Variants in RELCH observed in about 807,000 individuals in gnomAD.
The protein encoded by RELCH is RAB11-binding protein RELCH.
RELCH carries 41 observed loss-of-function variants against 150.3 expected under a neutral mutation model. The ratio of observed to expected loss-of-function variants is 0.27; its 90% CI spans 0.21 to 0.35. The LOEUF is 0.35. Among genes scored for constraint, RELCH ranks in the 10% least tolerant of loss-of-function variants. RELCH has a pLI of 1.00. For synonymous variants in RELCH, 478 were observed against 531.8 expected, an observed-to-expected ratio of 0.90 and a Z score of 1.39; for missense variants, 1,092 against 1,467.8, an observed-to-expected ratio of 0.74 and a Z score of 4.18.
At chr18:62,286,294 G>A (rs2044788669) in intron 25 of RELCH, among the ~76,000 whole-genome samples, 1 of 152,024 alleles carries the variant, frequency 6.6e-6, no homozygotes, top group Admixed American at 6.6e-5. Context: ...TGAATGTTTG[G>A]AGTTTTTGTT....
rs2041639487 is a variant in RELCH, at chr18:62,232,435, A to C, written c.1620+8A>C. ...CTATTGGCAAAGAGAGAGGTAAGACACATGAAAGTATTTTCGTCCCAGTAA... is the reference window on the plus strand; with the variant it reads ...CTATTGGCAAAGAGAGAGGTAAGACCCATGAAAGTATTTTCGTCCCAGTAA... On this transcript the variant is annotated splice_region_variant and intron_variant, in intron 10 of 28. Transcript: ENST00000644646. 6.4e-7 allele frequency: 1 copy of C among 1,552,628 alleles called. No homozygotes were observed. Among genetic ancestry groups the C allele is most frequent in the Admixed American group, 1.7e-5 (1 of 59,532 alleles).
chr18:62,205,333 A>G (rs572308007), intron 1 of RELCH, among the ~76,000 whole-genome samples: 30 of 152,330 alleles, frequency 2.0e-4, no homozygotes, highest in African/African-American at 7.0e-4. Flanking sequence ...ATACAATATT[A>G]CCATCACCCT....
chr18:62,255,418 A>C lies in RELCH; in HGVS notation c.1836A>C (p.Lys612Asn). ...LPQCWEQINH[K>N]YPERRLLVAE... ...TTTTTTTGCTCTAGATTAATCACAA[A>C]TACCCAGAAAGACGACTGCTTGTGG... is the stretch of plus-strand genomic sequence containing the variant. The change falls in exon 13 of 29, where the codon AAA becomes AAC. Residue 612 changes from lysine to asparagine, a missense_variant. Around this residue, in one of 4 missense-constraint regions of RELCH, gnomAD observed 707 missense variants for 1,025.4 expected, o/e 0.69. Transcript: ENST00000644646. 6.2e-7 allele frequency: 1 copy of C among 1,609,498 alleles called. No individual in the cohort carries two copies. The highest frequency in any genetic ancestry group is 8.5e-7 in the Non-Finnish European group (1 of 1,177,432).
At chr18:62,254,354 A>T (rs2042885703) in intron 12 of RELCH, among the ~76,000 whole-genome samples, 1 of 152,054 alleles carries the variant, frequency 6.6e-6, no homozygotes, top group African/African-American at 2.4e-5. Context: ...ATGCTTTTGG[A>T]TGCTATTGTA....
At position 62,221,233 on chromosome 18, in the gene RELCH, T is replaced by C; in HGVS notation, c.703T>C (p.Leu235=). The change falls in exon 4 of 29, where the codon TTA becomes CTA. Residue 235 remains leucine, a synonymous_variant. Coordinates refer to ENST00000644646, the MANE Select transcript of RELCH (RefSeq NM_001346231.2). ...LTKAAEHEVP[L]QERKNYKSSP... The stretch of plus-strand genomic sequence containing the variant: ...TTTTCCACCAGAACATGAAGTTCCT[T>C]TACAGGAACGAAAAAATTACAAATC... 6.2e-7 allele frequency: 1 copy of C among 1,610,644 alleles called. No homozygotes were observed. The highest frequency in any genetic ancestry group is 1.3e-5 in the African/African-American group (1 of 74,934).
At chr18:62,283,443 TG>T (rs1194607343) in intron 25 of RELCH, among the ~76,000 whole-genome samples, 1 of 152,226 alleles carries the variant, frequency 6.6e-6, no homozygotes, top group Non-Finnish European at 1.5e-5. Flanking sequence ...GGCCACAAGT[TG>T]GGTCACTTAA....
intron 28 of RELCH, chr18:62,300,005 CTTT>C (rs779455940): frequency 6.6e-6 from 1 of 152,048 alleles, no homozygotes; most frequent in African/African-American, 2.4e-5. Context: ...TAGTTTGTTT[CTTT>C]GAGTCAGGGT....
chr18:62,280,337 A>G (rs769249894), intron 23 of RELCH: 5 of 1,606,628 alleles, frequency 3.1e-6, no homozygotes, highest in Non-Finnish European at 3.4e-6. Flanking sequence ...ACCATTTTTT[A>G]TTGCATGTTG....
intron 28 of RELCH, among the ~76,000 whole-genome samples, chr18:62,301,409 T>C (rs2045658841): frequency 6.6e-6 from 1 of 152,234 alleles, no homozygotes; most frequent in Non-Finnish European, 1.5e-5. Context: ...CTGTCACAGC[T>C]ACTGAGCTAG....
chr18:62,270,259 C>T (rs1041366868), intron 20 of RELCH, among the ~76,000 whole-genome samples: 5 of 152,204 alleles, frequency 3.3e-5, no homozygotes, highest in African/African-American at 1.2e-4. Context: ...AACATGGTTT[C>T]TACTGCAGTC....
At chr18:62,190,438 G>A (rs7242457) in intron 1 of RELCH, among the ~76,000 whole-genome samples, 29,263 of 151,920 alleles carry the variant, frequency 0.19, 3,127 homozygotes, top group Middle Eastern at 0.29. Flanking sequence ...TTAGCTAGGC[G>A]TGGTGGTGGG....
At chr18:62,250,076 C>T (rs2042621526) in intron 11 of RELCH, among the ~76,000 whole-genome samples, 1 of 152,010 alleles carries the variant, frequency 6.6e-6, no homozygotes, top group Non-Finnish European at 1.5e-5. Context: ...TGTGATTTTC[C>T]ACAAGTAGGA....
At chr18:62,292,642 C>A (rs1035376259) in intron 27 of RELCH, among the ~76,000 whole-genome samples, 7 of 152,212 alleles carry the variant, frequency 4.6e-5, no homozygotes, top group East Asian at 1.9e-4. Context: ...CATGGCCAAT[C>A]CCCTCAACCA....
In RELCH at chr18:62,187,310, A is replaced by G; in HGVS notation, c.-196A>G. 4.6e-6 allele frequency: 2 copies of G among 432,346 alleles called. No homozygotes were observed. Among genetic ancestry groups the G allele is most frequent in the Non-Finnish European group, 8.1e-6 (2 of 247,434 alleles). The allele number at this position is 432,346 out of a possible 1,614,324, so 26.8% of individuals were successfully genotyped here. A position where few individuals can be genotyped will look rare whatever the true frequency, so the allele number is the denominator to read the frequency against. On this transcript the variant is annotated 5_prime_UTR_variant, in exon 1 of 29. Transcript: ENST00000644646. Reference sequence around the variant, plus strand: ...GCCTGCAGAGCCGGGCTGCTGGTGCAGCAGAGGCTGAGGCATCAGGTGCAG... The same window carrying G: ...GCCTGCAGAGCCGGGCTGCTGGTGCGGCAGAGGCTGAGGCATCAGGTGCAG...
intron 5 of RELCH, among the ~76,000 whole-genome samples, chr18:62,224,646 A>G (rs1290395451): frequency 6.6e-6 from 1 of 152,142 alleles, no homozygotes; most frequent in Admixed American, 6.6e-5. Context: ...TTTTTAAAAT[A>G]TCATGTTCAA....
chr18:62,262,542 A>G (rs183280199), intron 16 of RELCH, among the ~76,000 whole-genome samples: 61 of 152,178 alleles, frequency 4.0e-4, no homozygotes, highest in Admixed American at 7.9e-4. Flanking sequence ...AAAATAGTGT[A>G]TACTATTTGG....
chr18:62,296,326 G>A (rs891872162), intron 27 of RELCH, among the ~76,000 whole-genome samples: 11 of 152,142 alleles, frequency 7.2e-5, no homozygotes, highest in African/African-American at 1.9e-4. Flanking sequence ...GGTGGCCCAC[G>A]CCTGTAATCC....
At chr18:62,206,965 C>T (rs113478105) in intron 1 of RELCH, among the ~76,000 whole-genome samples, 1,778 of 152,158 alleles carry the variant, frequency 0.012, 27 homozygotes, top group East Asian at 0.052. Flanking sequence ...GTCTTAAACT[C>T]GTGGGTTCAA....
chr18:62,245,087 G>GTA (rs2042334289), intron 11 of RELCH, among the ~76,000 whole-genome samples: 1 of 151,958 alleles, frequency 6.6e-6, no homozygotes, highest in Non-Finnish European at 1.5e-5. Flanking sequence ...TCATCATCAG[G>GTA]TTCCCTTTCC....
Sources: allele counts gnomAD v4.1 joint callset (sites outside exome capture counted in the v4.1 genomes callset), GRCh38; gene constraint gnomAD v4.1.1; regional missense constraint gnomAD v4.1.1; transcripts MANE v1.5; gene names NCBI Gene and HGNC (gene_info 2026-07-23, HGNC 2026-07-21).